Variants in CSE1L observed in about 807,000 individuals in gnomAD.
The protein encoded by CSE1L is chromosome segregation 1 like.
CSE1L carries 24 observed loss-of-function variants against 120.4 expected under a neutral mutation model. That is an observed-to-expected ratio of 0.20 (90% CI 0.14 to 0.28). The LOEUF (loss-of-function observed/expected upper bound fraction) is 0.28. Among genes scored for constraint, CSE1L ranks in the 10% least tolerant of loss-of-function variants. The pLI, the probability that CSE1L is intolerant of heterozygous loss-of-function variation, is 1.00. For missense variants in CSE1L, 830 were observed against 1,145.2 expected (o/e 0.72, Z 3.97); for synonymous variants, 402 against 398.3 (o/e 1.01, Z -0.11).
At chr20:49,080,980 T>G (rs1035477982) in intron 14 of CSE1L, among the ~76,000 whole-genome samples, 13 of 136,046 alleles carry the variant, frequency 9.6e-5, no homozygotes, top group Non-Finnish European at 1.6e-4. Flanking sequence ...TGTTTCTTTC[T>G]TTCTCCTTCT....
At chr20:49,072,166 A>G (rs963812098) in intron 8 of CSE1L, 120 bp from the exon 9 acceptor site, 1 of 1,078,032 alleles carries the variant, frequency 9.3e-7, no homozygotes, top group Non-Finnish European at 1.3e-6. Flanking sequence ...TGTAGTTTAC[A>G]ATAACTGATT....
chr20:49,075,321 T>C lies in CSE1L; in HGVS notation c.1136T>C (p.Ile379Thr), dbSNP rs1568776394. Residue 379 changes from isoleucine (I) to threonine (T), a missense_variant, in exon 12 of 25, where the codon ATT (isoleucine) becomes ACT (threonine). This residue lies in a region of CSE1L where 543 missense variants were observed against 640.2 expected (regional missense o/e 0.85). Transcript: ENST00000262982. The stretch of plus-strand genomic sequence containing the variant: ...ATATTTTCTTTTCATTTCATAGATA[T>C]TGATACTAGACGCAGGGCTGCTTGT... ...YIRRDLEGSD[I>T]DTRRRAACDL... is the part of the protein sequence containing the mutation. 2.5e-6 allele frequency: 4 copies of C among 1,612,600 alleles called. No homozygotes were observed. Among genetic ancestry groups the C allele is most frequent in the African/African-American group, 1.3e-5 (1 of 75,002 alleles).
At chr20:49,089,103 C>A in intron 17 of CSE1L, 144 bp from the exon 18 acceptor site, 1 of 670,462 alleles carries the variant, frequency 1.5e-6, no homozygotes, top group Non-Finnish European at 2.2e-6. Context: ...AAAAAAAATT[C>A]AAATGAACAA....
Position 49,085,344 on chromosome 20 carries a change from C to G in CSE1L, c.1681C>G (p.Leu561Val). 2 of 1,613,918 alleles carry G rather than the reference C, an allele frequency of 1.2e-6. No individual in the cohort carries two copies. Among genetic ancestry groups the G allele is most frequent in the Non-Finnish European group, 1.7e-6 (2 of 1,179,956 alleles). Residue 561 changes from leucine to valine, a missense_variant, in exon 16 of 25, where the codon CTC becomes GTC. Leu to Val is a conservative substitution (Grantham distance 32). Transcript: ENST00000262982. ...TCTGCTAACAAACCTTTTCAAAGCT[C>G]TCACACTTCCTGGCTCTTCAGAAAA... ...EILLTNLFKA[L>V]TLPGSSENEY...
intron 1 of CSE1L, among the ~76,000 whole-genome samples, chr20:49,056,581 A>C (rs2091809135): frequency 6.6e-6 from 1 of 152,096 alleles, no homozygotes; most frequent in African/African-American, 2.4e-5. Context: ...TTATCGTCTC[A>C]CCAACAAGTT....
At chr20:49,056,296 G>A (rs1423848910) in intron 1 of CSE1L, among the ~76,000 whole-genome samples, 1 of 152,074 alleles carries the variant, frequency 6.6e-6, no homozygotes, top group Non-Finnish European at 1.5e-5. Flanking sequence ...GTAGAGACGG[G>A]ATTCACCATG....
intron 16 of CSE1L, 118 bp downstream of exon 16, chr20:49,085,504 G>T: frequency 8.1e-6 from 3 of 370,816 alleles, no homozygotes; most frequent in East Asian, 6.5e-5. Flanking sequence ...TTACCAAGTA[G>T]TAAGTTAGTT....
At chr20:49,091,110 A>G (rs1050416108) in intron 21 of CSE1L, 88 bp downstream of exon 21, 2 of 960,090 alleles carry the variant, frequency 2.1e-6, no homozygotes, top group African/African-American at 3.3e-5. Flanking sequence ...TACATTTTTT[A>G]TCCGTTTTAA....
Position 49,090,838 on chromosome 20 carries a change from C to T in CSE1L, c.2278C>T (p.Pro760Ser). The T allele has an allele frequency of 6.2e-7, 1 of 1,612,758 alleles. No individual in the cohort carries two copies. Among genetic ancestry groups the T allele is most frequent in the East Asian group, 2.2e-5 (1 of 44,836 alleles). The change falls in exon 20 of 25, where the codon CCT (proline) becomes TCT (serine). Residue 760 changes from proline (P) to serine (S), a missense_variant and splice_region_variant. Transcript: ENST00000262982. ...AAACAGTATAATAGAGCACATGCCT[C>T]CGTGAGTATGACTAGAACTTTGTGC... Reference protein sequence around the residue: ...LLNSIIEHMPPESVDQYRKQI... With the variant: ...LLNSIIEHMPSESVDQYRKQI...
intron 7 of CSE1L, among the ~76,000 whole-genome samples, chr20:49,069,651 C>T (rs2091917850): frequency 6.6e-6 from 1 of 152,236 alleles, no homozygotes; most frequent in Admixed American, 6.5e-5. Flanking sequence ...GAAGTTCTTA[C>T]TTAAATGAGT....
At chr20:49,049,288 A>G (rs6090939) in intron 1 of CSE1L, among the ~76,000 whole-genome samples, 54,674 of 151,416 alleles carry the variant, frequency 0.36, 10,684 homozygotes, top group African/African-American at 0.53. Context: ...GGCTCAGTCT[A>G]TCCTCCTACC....
At chr20:49,050,701 G>A (rs561263600) in intron 1 of CSE1L, among the ~76,000 whole-genome samples, 3 of 151,116 alleles carry the variant, frequency 2.0e-5, no homozygotes, top group East Asian at 3.9e-4. Flanking sequence ...GTAAGCCACC[G>A]CGCCCGGCCT....
At position 49,063,375 on chromosome 20, in the gene CSE1L, C is replaced by A. The variant is rs114388644; in HGVS notation, c.228+31C>A. 1.6e-3 allele frequency: 2,135 copies of A among 1,355,654 alleles called. 25 individuals carry two copies. The African/African-American group carries it at 0.028, about 18-fold the overall frequency. The allele number at this position is 1,355,654 out of a possible 1,614,324, so 84.0% of individuals were successfully genotyped here. On this transcript the variant is annotated intron_variant, in intron 3 of 24. Coordinates refer to ENST00000262982, the MANE Select transcript of CSE1L (RefSeq NM_001316.4). ...TATTTTGTGAATACATAATTTAATA[C>A]CCTGTATGTTTATAAGGTTTATATA... is the stretch of plus-strand genomic sequence containing the variant.
At chr20:49,064,614 G>A (rs1242760188) in intron 3 of CSE1L, among the ~76,000 whole-genome samples, 2 of 152,146 alleles carry the variant, frequency 1.3e-5, no homozygotes, top group African/African-American at 2.4e-5. Context: ...TAGGGAGGCT[G>A]AGATGAGGGG....
chr20:49,081,810 A>G (rs1211917965), intron 14 of CSE1L, among the ~76,000 whole-genome samples: 1 of 152,210 alleles, frequency 6.6e-6, no homozygotes, highest in African/African-American at 2.4e-5. Flanking sequence ...CCCAGTAACA[A>G]TGGTGCCATC....
Position 49,077,035 on chromosome 20 carries a change from A to G in CSE1L, c.1391A>G (p.His464Arg). The G allele has an allele frequency of 6.2e-7, 1 of 1,607,346 alleles. No homozygotes were observed. The highest frequency in any genetic ancestry group is 8.5e-7 in the Non-Finnish European group (1 of 1,177,774). The change falls in exon 13 of 25, where the codon CAC (histidine) becomes CGC (arginine). Residue 464 changes from histidine to arginine, a missense_variant. By Grantham distance (29) the His-to-Arg change is conservative. Coordinates refer to ENST00000262982, the MANE Select transcript of CSE1L (RefSeq NM_001316.4). ...LVNLTEFFVN[H>R]ILPDLKSANV... The stretch of plus-strand genomic sequence containing the variant: ...AACCTAACTGAGTTCTTTGTGAATC[A>G]CATCCTCCCTGATTTAAAATCAGCT...
At chr20:49,078,398 T>C (rs188488988) in intron 13 of CSE1L, among the ~76,000 whole-genome samples, 163 bp from the exon 14 acceptor site, 17 of 152,348 alleles carry the variant, frequency 1.1e-4, no homozygotes, top group Non-Finnish European at 4.4e-5. Context: ...AAATCATTTA[T>C]AATCCTACCA....
At chr20:49,061,202 TC>T (rs1205060885) in intron 2 of CSE1L, among the ~76,000 whole-genome samples, 1 of 139,048 alleles carries the variant, frequency 7.2e-6, no homozygotes, top group East Asian at 2.1e-4. Flanking sequence ...AGACGGAGTC[TC>T]CCTCTGTCGC....
At chr20:49,087,485 G>A (rs2092069225) in intron 16 of CSE1L, among the ~76,000 whole-genome samples, 1 of 151,516 alleles carries the variant, frequency 6.6e-6, no homozygotes, top group Non-Finnish European at 1.5e-5. Flanking sequence ...AGCCTCCCGA[G>A]TAGCTGGGAC....
Sources: gnomAD v4.1 joint callset for allele counts (sites outside exome capture counted in the v4.1 genomes callset) on GRCh38, gnomAD v4.1.1 for gene constraint, gnomAD v4.1.1 regional missense constraint, MANE v1.5 for transcripts, NCBI Gene and HGNC (gene_info 2026-07-23, HGNC 2026-07-21) for gene names.